DNAH14: variants seen among roughly 807,000 people sequenced by gnomAD.
DNAH14 encodes dynein axonemal heavy chain 14, also known as axonemal beta dynein heavy chain 14.
DNAH14 carries 478 observed loss-of-function variants against 520.9 expected under a neutral mutation model. The observed-to-expected ratio is 0.92, with a 90% confidence interval of 0.85 to 0.99. The LOEUF (loss-of-function observed/expected upper bound fraction) is 0.99. Among genes scored for constraint, DNAH14 ranks in the 50% least tolerant of loss-of-function variants. The pLI, the probability that DNAH14 is intolerant of heterozygous loss-of-function variation, is 0.00. For missense variants in DNAH14, 4,831 were observed against 5,234.5 expected, an observed-to-expected ratio of 0.92 and a Z score of 2.38; for synonymous variants, 1,581 against 1,757.2, an observed-to-expected ratio of 0.90 and a Z score of 2.51.
chr1:225,306,884 T>A (rs2094255789), intron 58 of DNAH14, among the ~76,000 whole-genome samples: 1 of 152,128 alleles, frequency 6.6e-6, no homozygotes, highest in South Asian at 2.1e-4. Context: ...CCGGCTCTTC[T>A]TTGCTACTTG....
chr1:225,304,706 A>G (rs1013209053), intron 57 of DNAH14, among the ~76,000 whole-genome samples: 4 of 152,222 alleles, frequency 2.6e-5, no homozygotes, highest in Admixed American at 2.0e-4. Flanking sequence ...CATGCCATTC[A>G]TAGTTAGCTC....
chr1:225,024,047 G>T, intron 11 of DNAH14, 182 bp downstream of exon 11: 6 of 1,261,544 alleles, frequency 4.8e-6, no homozygotes, highest in Non-Finnish European at 6.0e-6. Flanking sequence ...CTTAATATCG[G>T]TGCTATAGGA....
intron 23 of DNAH14, among the ~76,000 whole-genome samples, chr1:225,109,851 T>C (rs2076355736): frequency 6.6e-6 from 1 of 152,172 alleles, no homozygotes; most frequent in Admixed American, 6.5e-5. Context: ...TGTGAGTCTG[T>C]AATATGTGGC....
At chr1:225,163,536 C>A (rs1361860159) in intron 35 of DNAH14, among the ~76,000 whole-genome samples, 1 of 152,150 alleles carries the variant, frequency 6.6e-6, no homozygotes, top group African/African-American at 2.4e-5. Flanking sequence ...TCCTTCTATA[C>A]ACAGTTATTT....
Position 224,929,739 on chromosome 1 carries a change from C to G in DNAH14, c.-130C>G, listed in dbSNP as rs936659173. On this transcript the variant is annotated 5_prime_UTR_variant, in exon 1 of 86. Transcript: ENST00000682510. ...GGTAGGGCTGTGCTGCGCGGTCCTT[C>G]CCATTCACCCTAGTCTGGCGCTCGC... The G allele has an allele frequency of 1.4e-6, 1 of 702,274 alleles. No homozygotes were observed. Among genetic ancestry groups the G allele is most frequent in the African/African-American group, 1.7e-5 (1 of 57,266 alleles). The allele number at this position is 702,274 out of a possible 1,614,324, so 43.5% of individuals were successfully genotyped here.
In DNAH14 at chr1:225,374,670, C is replaced by T. The variant is rs974926078; in HGVS notation, c.12319-18C>T. Reference sequence around the variant, plus strand: ...GAAACACATACTGAAATAATAAAGACTCATGGGTTTTCCAAAGGTTGCCAT... The same window carrying T: ...GAAACACATACTGAAATAATAAAGATTCATGGGTTTTCCAAAGGTTGCCAT... On this transcript the variant is annotated intron_variant, in intron 77 of 85. Transcript: ENST00000682510. 1.1e-5 allele frequency: 17 copies of T among 1,534,888 alleles called. No homozygotes were observed. The highest frequency in any genetic ancestry group is 6.9e-5 in the African/African-American group (5 of 72,714).
intron 69 of DNAH14, among the ~76,000 whole-genome samples, chr1:225,342,776 G>C (rs1362120779): frequency 1.3e-5 from 2 of 151,788 alleles, no homozygotes; most frequent in Non-Finnish European, 2.9e-5. Context: ...TATAGAGAGA[G>C]ATACTTTGGA....
At chr1:224,987,003 T>C (rs2062688252) in intron 8 of DNAH14, among the ~76,000 whole-genome samples, 2 of 152,232 alleles carry the variant, frequency 1.3e-5, no homozygotes, top group African/African-American at 4.8e-5. Context: ...AAAATGAACA[T>C]ACAAAAATCA....
chr1:224,967,625 C>T, intron 6 of DNAH14, 42 bp downstream of exon 6: 2 of 1,591,928 alleles, frequency 1.3e-6, no homozygotes, highest in Non-Finnish European at 1.7e-6. Context: ...AATTATATTA[C>T]AAAAATATTA....
At chr1:225,111,134 T>A (rs750138880) in intron 23 of DNAH14, among the ~76,000 whole-genome samples, 16 of 152,156 alleles carry the variant, frequency 1.1e-4, no homozygotes, top group Admixed American at 2.0e-4. Flanking sequence ...TTAGGTCCAT[T>A]TGGTCTATTG....
rs192334371 is a variant in DNAH14 at position 225,118,116 on chromosome 1, T to C, written c.4091+117T>C. Reference sequence around the variant, plus strand: ...CTAAGCAAACTGTTTCTTCAAAGATTATATCCTTACGTAAATATACTTTTG... The same window carrying C: ...CTAAGCAAACTGTTTCTTCAAAGATCATATCCTTACGTAAATATACTTTTG... On this transcript the variant is annotated intron_variant, in intron 25 of 85. Coordinates refer to ENST00000682510, the MANE Select transcript of DNAH14 (RefSeq NM_001367479.1). The C allele has an allele frequency of 5.9e-4, 469 of 792,638 alleles. 4 individuals carry two copies. The East Asian group carries it at 0.012, about 20-fold the overall frequency. The allele number at this position is 792,638 out of a possible 1,614,324, so 49.1% of individuals were successfully genotyped here.
At chr1:225,094,863 CACAA>C (rs1459054421) in intron 21 of DNAH14, among the ~76,000 whole-genome samples, 1 of 142,352 alleles carries the variant, frequency 7.0e-6, no homozygotes, top group African/African-American at 2.5e-5. Context: ...GGGTAAAGGA[CACAA>C]ACAGACACTT....
intron 15 of DNAH14, among the ~76,000 whole-genome samples, chr1:225,049,306 C>A (rs2068274772): frequency 6.6e-6 from 1 of 151,944 alleles, no homozygotes; most frequent in Non-Finnish European, 1.5e-5. Flanking sequence ...GGTGATCCAC[C>A]CACCTCGGCC....
At position 225,036,018 on chromosome 1, in the gene DNAH14, G is replaced by A. The variant is rs57305181; in HGVS notation, c.1359-2676G>A. Among the ~76,000 whole-genome samples, 766 of 152,276 alleles carry A rather than the reference G, an allele frequency of 5.0e-3. 6 individuals carry two copies. Among genetic ancestry groups the A allele is most frequent in the African/African-American group, 0.017 (723 of 41,566 alleles). Reference sequence around the variant, plus strand: ...AATTAAAGAAAGAGGAAAGAAACATGAAAGGCGGCTCGCCAGTCAAGACAG... The same window carrying A: ...AATTAAAGAAAGAGGAAAGAAACATAAAAGGCGGCTCGCCAGTCAAGACAG... On this transcript the variant is annotated intron_variant, in intron 11 of 85. Transcript: ENST00000682510.
At chr1:225,115,727 C>G (rs966511531) in intron 23 of DNAH14, among the ~76,000 whole-genome samples, 1 of 152,146 alleles carries the variant, frequency 6.6e-6, no homozygotes, top group East Asian at 1.9e-4. Context: ...CCAAATATTT[C>G]CAGCACATCT....
At chr1:225,003,907 T>G (rs192955591) in intron 9 of DNAH14, among the ~76,000 whole-genome samples, 70 of 152,128 alleles carry the variant, frequency 4.6e-4, no homozygotes, top group African/African-American at 1.6e-3. Context: ...AGTGACAAAA[T>G]TTATTAATTT....
chr1:225,102,151 T>G (rs1396870387), intron 23 of DNAH14, among the ~76,000 whole-genome samples: 1 of 151,196 alleles, frequency 6.6e-6, no homozygotes. Context: ...TTTGGTTTTT[T>G]CTCCTTGCGA....
In DNAH14 at chr1:225,335,796, T is replaced by C. The variant is rs2094992292; in HGVS notation, c.10081-1470T>C. 2.1e-5 allele frequency among the ~76,000 whole-genome samples: 3 copies of C among 143,200 alleles called. 1 individual carries two copies. The highest frequency in any genetic ancestry group is 4.6e-5 in the Non-Finnish European group (3 of 65,274). The allele number at this position is 143,200 out of a possible 152,430, so 93.9% of individuals were successfully genotyped here. ...ATGTGCATATATTCATAAGTACATC[T>C]ATGTATATGTACATATATGTACATA... On this transcript the variant is annotated intron_variant, in intron 66 of 85. Coordinates refer to ENST00000682510, the MANE Select transcript of DNAH14 (RefSeq NM_001367479.1).
intron 23 of DNAH14, among the ~76,000 whole-genome samples, chr1:225,114,587 T>G (rs1199042663): frequency 6.6e-6 from 1 of 152,198 alleles, no homozygotes; most frequent in Admixed American, 6.5e-5. Context: ...CTTTATGGCC[T>G]ATACTGCCTT....
Sources: allele counts gnomAD v4.1 joint callset (sites outside exome capture counted in the v4.1 genomes callset), GRCh38; gene constraint gnomAD v4.1.1; transcripts MANE v1.5; gene names NCBI Gene and HGNC (gene_info 2026-07-23, HGNC 2026-07-21).